Variants in DSCAM observed in about 807,000 individuals in gnomAD.
DSCAM encodes cell adhesion molecule DSCAM.
In DSCAM, 47 loss-of-function variants were observed where a neutral mutation model predicts 217.7. The ratio of observed to expected loss-of-function variants is 0.22; its 90% CI spans 0.17 to 0.28. DSCAM has a LOEUF of 0.28. Ranked by LOEUF, DSCAM falls within the 10% of genes least tolerant of loss-of-function variation. The pLI, the probability that DSCAM is intolerant of heterozygous loss-of-function variation, is 1.00. For missense variants in DSCAM, 2,080 were observed against 2,618.3 expected (o/e 0.79, Z 4.49); for synonymous variants, 1,056 against 1,015.3 (o/e 1.04, Z -0.76).
intron 1 of DSCAM, among the ~76,000 whole-genome samples, chr21:40,805,543 C>T (rs2091778165): frequency 6.6e-6 from 1 of 152,150 alleles, no homozygotes; most frequent in South Asian, 2.1e-4. Flanking sequence ...AAGTTTCCTT[C>T]CCCTTCCAGG....
intron 11 of DSCAM, among the ~76,000 whole-genome samples, chr21:40,237,460 T>C (rs1209404584): frequency 6.6e-6 from 1 of 152,078 alleles, no homozygotes; most frequent in East Asian, 1.9e-4. Context: ...TGAGAACACG[T>C]GGTGTTTGGT....
intron 16 of DSCAM, among the ~76,000 whole-genome samples, chr21:40,145,850 G>GA (rs147782238): frequency 0.47 from 71,251 of 151,124 alleles, 19,362 homozygotes; most frequent in South Asian, 0.63. Flanking sequence ...GTCTCAAAAA[G>GA]TAAAAAAAGA....
At chr21:40,504,908 T>G (rs953726899) in intron 3 of DSCAM, among the ~76,000 whole-genome samples, 2 of 152,216 alleles carry the variant, frequency 1.3e-5, no homozygotes, top group African/African-American at 4.8e-5. Context: ...ACAGATAAGA[T>G]ATAGTAAGAG....
intron 3 of DSCAM, among the ~76,000 whole-genome samples, chr21:40,663,337 T>C (rs774718403): frequency 6.6e-6 from 1 of 151,912 alleles, no homozygotes; most frequent in Non-Finnish European, 1.5e-5. Flanking sequence ...TATGTGTGTG[T>C]CCTGTTAGCA....
intron 6 of DSCAM, among the ~76,000 whole-genome samples, chr21:40,340,520 G>A (rs927730420): frequency 6.6e-6 from 1 of 152,160 alleles, no homozygotes; most frequent in Non-Finnish European, 1.5e-5. Context: ...TCAACACTGT[G>A]ACACATTTTT....
chr21:40,133,783 A>C (rs1431360260), intron 19 of DSCAM, 71 bp downstream of exon 19: 2 of 1,510,720 alleles, frequency 1.3e-6, no homozygotes, highest in Non-Finnish European at 1.8e-6. Flanking sequence ...CTGCAGGGTA[A>C]AGGCAAGTGA....
chr21:40,085,505 T>C, intron 23 of DSCAM, 97 bp downstream of exon 23: 4 of 1,154,478 alleles, frequency 3.5e-6, no homozygotes, highest in Non-Finnish European at 4.6e-6. Flanking sequence ...AGTTAGCTCT[T>C]TATAAGGGCT....
At chr21:40,094,665 G>A (rs949408501) in intron 20 of DSCAM, among the ~76,000 whole-genome samples, 1 of 152,148 alleles carries the variant, frequency 6.6e-6, no homozygotes, top group Non-Finnish European at 1.5e-5. Flanking sequence ...AAGATTCCTC[G>A]AGCATTGGGT....
At chr21:40,584,019 C>T (rs1568921487) in intron 3 of DSCAM, among the ~76,000 whole-genome samples, 1 of 151,880 alleles carries the variant, frequency 6.6e-6, no homozygotes, top group Non-Finnish European at 1.5e-5. Context: ...GGCAAAATTG[C>T]CAGTGTGCTT....
At chr21:40,357,744 G>A (rs910813876) in intron 4 of DSCAM, among the ~76,000 whole-genome samples, 18 of 152,018 alleles carry the variant, frequency 1.2e-4, no homozygotes, top group African/African-American at 4.4e-4. Context: ...ATAGCATTAG[G>A]AGATATACCT....
At chr21:40,259,661 C>CTT (rs542106779) in intron 11 of DSCAM, among the ~76,000 whole-genome samples, 2,576 of 59,394 alleles carry the variant, frequency 0.043, 777 homozygotes, top group South Asian at 0.068. Context: ...GTCAGCCATT[C>CTT]TTTTTTTTTT....
At chr21:40,820,026 C>T (rs1194643621) in intron 1 of DSCAM, among the ~76,000 whole-genome samples, 1 of 151,820 alleles carries the variant, frequency 6.6e-6, no homozygotes, top group African/African-American at 2.4e-5. Flanking sequence ...AATAAAGGCC[C>T]CCTGCTTGTG....
intron 11 of DSCAM, among the ~76,000 whole-genome samples, chr21:40,234,594 TTC>T (rs1340491040): frequency 6.6e-6 from 1 of 152,224 alleles, no homozygotes; most frequent in African/African-American, 2.4e-5. Flanking sequence ...AGCCTCAGCA[TTC>T]TGTTTCCTGC....
intron 25 of DSCAM, among the ~76,000 whole-genome samples, 158 bp from the exon 26 acceptor site, chr21:40,079,135 ACTTTATGGACCAACAGGCTTTCTC>A (rs1210946336): frequency 1.3e-5 from 2 of 152,148 alleles, no homozygotes; most frequent in African/African-American, 2.4e-5. Context: ...GTTAATAGAG[ACTTTATGGACCAACAGGCTTTCTC>A]CAACTGTAAT....
chr21:40,492,759 T>G (rs899362245), intron 3 of DSCAM, among the ~76,000 whole-genome samples: 23 of 152,122 alleles, frequency 1.5e-4, no homozygotes, highest in Non-Finnish European at 2.9e-4. Flanking sequence ...AGCAAATCTT[T>G]GCATTACAGG....
intron 3 of DSCAM, among the ~76,000 whole-genome samples, chr21:40,467,178 AATAT>A (rs2075852171): frequency 6.6e-6 from 1 of 152,222 alleles, no homozygotes; most frequent in South Asian, 2.1e-4. Flanking sequence ...AACAAATTTA[AATAT>A]AAGCTGTTTC....
chr21:40,125,780 T>C (rs2090086791), intron 19 of DSCAM, among the ~76,000 whole-genome samples: 2 of 152,234 alleles, frequency 1.3e-5, no homozygotes, highest in Admixed American at 1.3e-4. Context: ...GGGTAATGTC[T>C]AAGACATCCA....
chr21:40,080,047 T>G (rs2146558952), intron 25 of DSCAM, 105 bp downstream of exon 25: 1 of 1,113,588 alleles, frequency 9.0e-7, no homozygotes, highest in Non-Finnish European at 1.3e-6. Flanking sequence ...AATGACAAAG[T>G]TCAAACACAT....
At chr21:40,707,343 T>C (rs1388709491) in intron 2 of DSCAM, among the ~76,000 whole-genome samples, 6 of 152,250 alleles carry the variant, frequency 3.9e-5, no homozygotes, top group Non-Finnish European at 8.8e-5. Flanking sequence ...CAAATTTTCA[T>C]ATATCTTGAT....
Sources: gnomAD v4.1 joint callset for allele counts (sites outside exome capture counted in the v4.1 genomes callset) on GRCh38, gnomAD v4.1.1 for gene constraint, MANE v1.5 for transcripts, NCBI Gene and HGNC (gene_info 2026-07-23, HGNC 2026-07-21) for gene names.